Variants in STAG2 observed in about 807,000 individuals in gnomAD.
STAG2 encodes cohesin subunit SA-2.
STAG2 carries 14 observed loss-of-function variants against 108.1 expected under a neutral mutation model. The ratio of observed to expected loss-of-function variants is 0.13; its 90% CI spans 0.09 to 0.20. STAG2 has a LOEUF of 0.20. STAG2 is among the 10% of genes least tolerant of loss of function. The pLI is 1.00. For synonymous variants in STAG2, 307 were observed against 302.7 expected (o/e 1.01, Z -0.15); for missense variants, 440 against 940.9 (o/e 0.47, Z 6.96).
Position 124,006,072 on chromosome X carries a change from T to TG in STAG2, c.-162-15294dup, listed in dbSNP as rs754866827. Among the ~76,000 whole-genome samples, 428 of 111,514 alleles carry TG rather than the reference T, an allele frequency of 3.8e-3. 1 individual carries two copies. Among genetic ancestry groups the TG allele is most frequent in the African/African-American group, 0.013 (400 of 30,713 alleles). On this transcript the variant is annotated intron_variant, in intron 1 of 34. Coordinates refer to ENST00000371145, the MANE Select transcript of STAG2 (RefSeq NM_001042750.2). ...CCTCCCTAAGGACTTCGTTTTAACTTGATAACTTCAGTAAAGATCCTGACT... is the reference window on the plus strand; with the variant it reads ...CCTCCCTAAGGACTTCGTTTTAACTTGGATAACTTCAGTAAAGATCCTGACT...
intron 1 of STAG2, among the ~76,000 whole-genome samples, chrX:123,974,771 G>T (rs1445369938): frequency 1.9e-5 from 2 of 106,310 alleles, no homozygotes; most frequent in Non-Finnish European, 3.9e-5. Flanking sequence ...TACAGATGGG[G>T]TTTCACCATA....
chrX:124,062,755 T>C, intron 17 of STAG2, 147 bp from the exon 18 acceptor site: 1 of 427,805 alleles, frequency 2.3e-6, no homozygotes, highest in East Asian at 4.1e-5. Context: ...TTCATGTCAC[T>C]TTTAGGGTTA....
chrX:124,087,086 C>G (rs767546022), intron 30 of STAG2, among the ~76,000 whole-genome samples: 1 of 112,162 alleles, frequency 8.9e-6, no homozygotes, highest in East Asian at 2.8e-4. Context: ...CTGTGCTACA[C>G]TGTATGCATA....
At chrX:124,090,458 C>T (rs990687705) in intron 30 of STAG2, 117 bp from the exon 31 acceptor site, 7 of 610,489 alleles carry the variant, frequency 1.1e-5, no homozygotes, top group Middle Eastern at 3.8e-4. Flanking sequence ...TTGTGTCCCC[C>T]GTTCCTGTGA....
At chrX:123,991,483 G>C (rs1304700297) in intron 1 of STAG2, among the ~76,000 whole-genome samples, 3 of 108,424 alleles carry the variant, frequency 2.8e-5, no homozygotes, top group Non-Finnish European at 5.7e-5. Context: ...CTCCCAAGTA[G>C]CTGGGACTAC....
chrX:124,013,119 T>G (rs924271414), intron 1 of STAG2, among the ~76,000 whole-genome samples: 1 of 111,593 alleles, frequency 9.0e-6, no homozygotes, highest in African/African-American at 3.3e-5. Flanking sequence ...CATTTAACCC[T>G]TCTTGTAAAT....
At chrX:124,059,302 G>A (rs183769224) in intron 15 of STAG2, among the ~76,000 whole-genome samples, 38 of 112,521 alleles carry the variant, frequency 3.4e-4, no homozygotes, top group Non-Finnish European at 4.1e-4. Context: ...GGGTGACAGA[G>A]CAAGACTCTG....
chrX:124,016,805 A>T (rs1244833801), intron 1 of STAG2, among the ~76,000 whole-genome samples: 1 of 111,836 alleles, frequency 8.9e-6, no homozygotes, highest in Non-Finnish European at 1.9e-5. Flanking sequence ...TGTTTCTACA[A>T]AATACACAAA....
At chrX:123,996,691 T>C (rs953073965) in intron 1 of STAG2, among the ~76,000 whole-genome samples, 9 of 112,160 alleles carry the variant, frequency 8.0e-5, no homozygotes, top group African/African-American at 2.9e-4. Context: ...GCATAATGCA[T>C]TTGAGATTCA....
intron 21 of STAG2, 35 bp from the exon 22 acceptor site, chrX:124,066,139 CT>C: frequency 1.3e-6 from 1 of 766,223 alleles, no homozygotes; most frequent in Non-Finnish European, 1.7e-6. Context: ...TTTAATAAAA[CT>C]TAATTTTTTT....
At chrX:123,962,652 C>A (rs1263117069) in intron 1 of STAG2, among the ~76,000 whole-genome samples, 6 of 111,328 alleles carry the variant, frequency 5.4e-5, no homozygotes, top group Non-Finnish European at 1.1e-4. Flanking sequence ...AAATTGAGGG[C>A]CATGGTGTTG....
intron 1 of STAG2, among the ~76,000 whole-genome samples, chrX:123,965,527 G>T (rs1338480758): frequency 3.6e-5 from 4 of 111,785 alleles, no homozygotes; most frequent in African/African-American, 1.3e-4. Flanking sequence ...TTTAGGGTTA[G>T]ATGTGAAAAT....
chrX:123,981,835 T>C (rs180891853), intron 1 of STAG2, among the ~76,000 whole-genome samples: 2 of 111,644 alleles, frequency 1.8e-5, no homozygotes, highest in African/African-American at 6.5e-5. Flanking sequence ...AATAAGCAGT[T>C]GCAGTTAAGT....
chrX:124,010,226 C>T (rs1167221463), intron 1 of STAG2, among the ~76,000 whole-genome samples: 1 of 111,237 alleles, frequency 9.0e-6, no homozygotes, highest in Non-Finnish European at 1.9e-5. Flanking sequence ...TGAAACAGAT[C>T]TACAGAAATT....
chrX:124,079,340 C>T (rs1005577398), intron 27 of STAG2, among the ~76,000 whole-genome samples: 6 of 110,950 alleles, frequency 5.4e-5, no homozygotes, highest in South Asian at 3.9e-4. Flanking sequence ...GGGGTTTCAC[C>T]GTGTTAGCTA....
chrX:124,098,643 A>G (rs947084833), intron 34 of STAG2, among the ~76,000 whole-genome samples: 1 of 112,018 alleles, frequency 8.9e-6, no homozygotes, highest in African/African-American at 3.2e-5. Context: ...TAGACACTTC[A>G]GTTTGTTACT....
intron 13 of STAG2, 136 bp from the exon 14 acceptor site, chrX:124,055,992 T>G: frequency 4.7e-6 from 1 of 213,904 alleles, no homozygotes; most frequent in Non-Finnish European, 7.0e-6. Flanking sequence ...ATAAGCTTGA[T>G]TTGGTTTTTT....
At position 124,051,301 on chromosome X, in the gene STAG2, T is replaced by C; in HGVS notation, c.1117-14T>C. ...GCTTTCCTTTTAAAAATATTTTAATTTTTTTGTCCTTAGGATAGAATTGTG... is the reference window on the plus strand; with the variant it reads ...GCTTTCCTTTTAAAAATATTTTAATCTTTTTGTCCTTAGGATAGAATTGTG... On this transcript the variant is annotated splice_polypyrimidine_tract_variant and intron_variant, in intron 12 of 34. Transcript: ENST00000371145. 8.5e-7 allele frequency: 1 copy of C among 1,179,538 alleles called. No homozygotes were observed. Among genetic ancestry groups the C allele is most frequent in the South Asian group, 1.9e-5 (1 of 52,517 alleles).
At chrX:124,009,916 G>A (rs758150800) in intron 1 of STAG2, among the ~76,000 whole-genome samples, 32 of 110,946 alleles carry the variant, frequency 2.9e-4, no homozygotes, top group Non-Finnish European at 5.3e-4. Context: ...CTTATTAAAC[G>A]GGAGACAAAA....
Sources: gnomAD v4.1 joint callset for allele counts (sites outside exome capture counted in the v4.1 genomes callset) on GRCh38, gnomAD v4.1.1 for gene constraint, MANE v1.5 for transcripts, NCBI Gene and HGNC (gene_info 2026-07-23, HGNC 2026-07-21) for gene names.